The following IL4R variants were observed in gnomAD, a reference collection of about 807,000 sequenced individuals.
The protein encoded by IL4R is interleukin 4 receptor.
IL4R carries 17 observed loss-of-function variants against 41.5 expected under a neutral mutation model. That is an observed-to-expected ratio of 0.41 (90% CI 0.28 to 0.61). IL4R has a LOEUF of 0.61. Ranked by LOEUF, IL4R falls within the 20% of genes least tolerant of loss-of-function variation. The pLI is 0.31. For missense variants in IL4R, 974 were observed against 1,043.1 expected, an observed-to-expected ratio of 0.93 and a Z score of 0.91; for synonymous variants, 402 against 422.9, an observed-to-expected ratio of 0.95 and a Z score of 0.61.
rs1312383289 is a variant in IL4R, at chr16:27,360,748, G to T, written c.850-18G>T. 8 of 1,613,928 alleles carry T rather than the reference G, an allele frequency of 5.0e-6. No homozygotes were observed. The highest frequency in any genetic ancestry group is 6.8e-6 in the Non-Finnish European group (8 of 1,180,034). ...GCAAGGCCACTCTGCTCTTTCATTG[G>T]CTGTCTCTGTATTTTAGGGGTCACA... On this transcript the variant is annotated intron_variant, in intron 9 of 10. Coordinates refer to ENST00000395762, the MANE Select transcript of IL4R (RefSeq NM_000418.4).
Position 27,363,561 on chromosome 16 carries a change from C to A in IL4R, c.2209C>A (p.Pro737Thr). ...CHGQEDGGQTPVMASPCCGCC... is the reference protein window; with the variant it reads ...CHGQEDGGQTTVMASPCCGCC... Reference sequence around the variant, plus strand: ...TGGCCAGGAGGATGGTGGCCAGACCCCTGTCATGGCCAGTCCTTGCTGTGG... The same window carrying A: ...TGGCCAGGAGGATGGTGGCCAGACCACTGTCATGGCCAGTCCTTGCTGTGG... Residue 737 changes from proline to threonine, a missense_variant, in exon 11 of 11, where the codon CCT (proline) becomes ACT (threonine). This residue lies in a region of IL4R where 682 missense variants were observed against 704.3 expected (regional missense o/e 0.97). Transcript: ENST00000395762. 1 of 1,614,176 alleles carries A rather than the reference C, an allele frequency of 6.2e-7. No individual in the cohort carries two copies. The highest frequency in any genetic ancestry group is 8.5e-7 in the Non-Finnish European group (1 of 1,180,028).
chr16:27,340,209 G>A lies in IL4R; in HGVS notation c.6G>A (p.Gly2=). Residue 2 remains glycine (G), a synonymous_variant, in exon 3 of 11, where the codon GGG becomes GGA. Transcript: ENST00000395762. ...AGGTGCCTTGGCATCTCCCAATGGG[G>A]TGGCTTTGCTCTGGGCTCCTGTTCC... M[G]WLCSGLLFPV... is the part of the protein sequence containing the mutation. 1 of 1,613,648 alleles carries A rather than the reference G, an allele frequency of 6.2e-7. No individual in the cohort carries two copies. The highest frequency in any genetic ancestry group is 8.5e-7 in the Non-Finnish European group (1 of 1,179,910).
At chr16:27,349,857 C>T (rs1377577065) in intron 6 of IL4R, among the ~76,000 whole-genome samples, 1 of 152,166 alleles carries the variant, frequency 6.6e-6, no homozygotes, top group Non-Finnish European at 1.5e-5. Context: ...TCAGGTGATT[C>T]TCCCACCTCT....
intron 4 of IL4R, among the ~76,000 whole-genome samples, chr16:27,343,655 T>G (rs1342032148): frequency 6.6e-6 from 1 of 152,188 alleles, no homozygotes; most frequent in African/African-American, 2.4e-5. Context: ...CTCGAACTCC[T>G]GAACTCAGGT....
rs149540035 is a variant in IL4R at position 27,347,902 on chromosome 16, G to A, written c.513+1284G>A. On this transcript the variant is annotated intron_variant, in intron 6 of 10. Transcript: ENST00000395762. ...GTGATACAGATGAGCTCCCCTGTTT[G>A]GCCCACATGTGTCCTAAAAGCCATG... Among the ~76,000 whole-genome samples, 286 of 152,360 alleles carry A rather than the reference G, an allele frequency of 1.9e-3. 1 individual carries two copies. Among genetic ancestry groups the A allele is most frequent in the African/African-American group, 6.4e-3 (266 of 41,584 alleles).
In IL4R at chr16:27,344,853, G is replaced by A; in HGVS notation, c.210-16G>A. The stretch of plus-strand genomic sequence containing the variant: ...GCCTACAGGTGACCAGCCTAACCCA[G>A]CCCCTGTGTCTGCAGAGCCCACACG... On this transcript the variant is annotated splice_polypyrimidine_tract_variant and intron_variant, in intron 4 of 10. Coordinates refer to ENST00000395762, the MANE Select transcript of IL4R (RefSeq NM_000418.4). 23 of 1,613,792 alleles carry A rather than the reference G, an allele frequency of 1.4e-5. No homozygotes were observed. The highest frequency in any genetic ancestry group is 1.9e-5 in the Non-Finnish European group (23 of 1,179,860).
At chr16:27,329,513 T>C (rs1172148236) in intron 1 of IL4R, among the ~76,000 whole-genome samples, 1 of 151,780 alleles carries the variant, frequency 6.6e-6, no homozygotes, top group Non-Finnish European at 1.5e-5. Context: ...CTGTCTCTAC[T>C]AAAAACACAA....
chr16:27,314,484 C>T (rs575441777), intron 1 of IL4R, among the ~76,000 whole-genome samples: 89 of 152,358 alleles, frequency 5.8e-4, no homozygotes, highest in Middle Eastern at 3.4e-3. Context: ...CTCCGAATAT[C>T]AGATGGACCC....
At chr16:27,360,352 G>A (rs2086239048) in intron 9 of IL4R, among the ~76,000 whole-genome samples, 1 of 152,232 alleles carries the variant, frequency 6.6e-6, no homozygotes, top group Admixed American at 6.5e-5. Context: ...GCAGGTGCCT[G>A]AGCCATGTGC....
At chr16:27,360,139 C>A (rs1038673670) in intron 9 of IL4R, among the ~76,000 whole-genome samples, 1 of 152,168 alleles carries the variant, frequency 6.6e-6, no homozygotes, top group African/African-American at 2.4e-5. Context: ...CTCAGCCTCC[C>A]AAGTAGCTGG....
At chr16:27,353,277 C>T (rs1367647578) in intron 7 of IL4R, among the ~76,000 whole-genome samples, 1 of 152,084 alleles carries the variant, frequency 6.6e-6, no homozygotes, top group East Asian at 1.9e-4. Context: ...GAGCCGTGAT[C>T]GTACCACTTT....
intron 1 of IL4R, among the ~76,000 whole-genome samples, chr16:27,316,803 G>A (rs765242406): frequency 2.0e-5 from 3 of 152,152 alleles, no homozygotes; most frequent in Non-Finnish European, 4.4e-5. Context: ...TGAGATTATA[G>A]TGACTATGCC....
At chr16:27,323,709 G>A (rs1048991806) in intron 1 of IL4R, among the ~76,000 whole-genome samples, 2 of 151,844 alleles carry the variant, frequency 1.3e-5, no homozygotes, top group African/African-American at 4.8e-5. Flanking sequence ...AGGCTGGAGT[G>A]CAGTGGCATG....
Position 27,355,923 on chromosome 16 carries a change from A to G in IL4R, c.770+16A>G, listed in dbSNP as rs2086057614. 3 of 1,581,756 alleles carry G rather than the reference A, an allele frequency of 1.9e-6. No individual in the cohort carries two copies. The highest frequency in any genetic ancestry group is 8.7e-7 in the Non-Finnish European group (1 of 1,152,256). On this transcript the variant is annotated intron_variant, in intron 8 of 10. Transcript: ENST00000395762. ...GCATCACCAAGTGAGTCCTGGGCCC[A>G]GTGCTGCCGAGCAGTCCCTCTGGAG...
chr16:27,342,902 C>T (rs1301387025), intron 4 of IL4R, among the ~76,000 whole-genome samples: 1 of 152,188 alleles, frequency 6.6e-6, no homozygotes, highest in Non-Finnish European at 1.5e-5. Flanking sequence ...TTCCACTGTA[C>T]GCCAGTGAGA....
chr16:27,336,676 C>CA (rs67336687), intron 2 of IL4R, among the ~76,000 whole-genome samples: 341 of 68,028 alleles, frequency 5.0e-3, no homozygotes, highest in East Asian at 0.01. Context: ...AACTCTGTCT[C>CA]AAAAAAAAAA....
In IL4R at chr16:27,362,851, T is replaced by G. The variant is rs1460115849; in HGVS notation, c.1499T>G (p.Phe500Cys). 6.2e-7 allele frequency: 1 copy of G among 1,614,102 alleles called. No individual in the cohort carries two copies. The highest frequency in any genetic ancestry group is 1.7e-5 in the Admixed American group (1 of 60,022). The stretch of plus-strand genomic sequence containing the variant: ...GCAGGCAACCCTGCTTACCGCAGCT[T>G]CAGCAACTCCCTGAGCCAGTCACCG... ...VIAGNPAYRS[F>C]SNSLSQSPCP... Residue 500 changes from phenylalanine to cysteine, a missense_variant, in exon 11 of 11, where the codon TTC becomes TGC. Phe to Cys is a radical substitution (Grantham distance 205, BLOSUM62 -2). Around this residue, in one of 3 missense-constraint regions of IL4R, gnomAD observed 682 missense variants for 704.3 expected, o/e 0.97. Coordinates refer to ENST00000395762, the MANE Select transcript of IL4R (RefSeq NM_000418.4).
At chr16:27,360,430 C>T (rs946150874) in intron 9 of IL4R, among the ~76,000 whole-genome samples, 7 of 152,194 alleles carry the variant, frequency 4.6e-5, no homozygotes, top group African/African-American at 1.7e-4. Context: ...GGTGGGAAGT[C>T]CCAAGGCTTC....
intron 2 of IL4R, chr16:27,334,253 G>C (rs1487543199): frequency 6.6e-6 from 1 of 152,060 alleles, no homozygotes; most frequent in African/African-American, 2.4e-5. Flanking sequence ...CGATAACCTG[G>C]CACTTATCTT....
Sources: allele counts gnomAD v4.1 joint callset (sites outside exome capture counted in the v4.1 genomes callset), GRCh38; gene constraint gnomAD v4.1.1; regional missense constraint gnomAD v4.1.1; transcripts MANE v1.5; gene names NCBI Gene and HGNC (gene_info 2026-07-23, HGNC 2026-07-21).